The following CSNK1G1 variants were observed in gnomAD, a reference collection of about 807,000 sequenced individuals.
CSNK1G1 encodes casein kinase I isoform gamma-1.
In CSNK1G1, 22 loss-of-function variants were observed where a neutral mutation model predicts 59.6. The observed-to-expected ratio is 0.37, with a 90% confidence interval of 0.26 to 0.53. CSNK1G1 has a LOEUF of 0.53. CSNK1G1 is among the 20% of genes least tolerant of loss of function. The pLI, the probability that CSNK1G1 is intolerant of heterozygous loss-of-function variation, is 0.89. For missense variants in CSNK1G1, 384 were observed against 519.5 expected, an observed-to-expected ratio of 0.74 and a Z score of 2.54; for synonymous variants, 179 against 177.1, an observed-to-expected ratio of 1.01 and a Z score of -0.08.
At chr15:64,245,466 A>T (rs953020469) in intron 4 of CSNK1G1, among the ~76,000 whole-genome samples, 4 of 152,240 alleles carry the variant, frequency 2.6e-5, no homozygotes, top group Non-Finnish European at 4.4e-5. Flanking sequence ...CTTCACAGCC[A>T]TTATCAAAAT....
intron 4 of CSNK1G1, among the ~76,000 whole-genome samples, chr15:64,249,377 T>C (rs990134565): frequency 2.0e-5 from 3 of 152,174 alleles, no homozygotes; most frequent in African/African-American, 7.2e-5. Flanking sequence ...TGCAGCTACC[T>C]TGTTAGTTGC....
chr15:64,230,695 G>A (rs1011146576), intron 4 of CSNK1G1, among the ~76,000 whole-genome samples: 5 of 152,168 alleles, frequency 3.3e-5, no homozygotes, highest in African/African-American at 7.2e-5. Context: ...AATGGCAGCC[G>A]GGTGCAGTGG....
intron 1 of CSNK1G1, among the ~76,000 whole-genome samples, chr15:64,322,823 A>G (rs1175697017): frequency 6.6e-6 from 1 of 152,168 alleles, no homozygotes; most frequent in Non-Finnish European, 1.5e-5. Flanking sequence ...CTATCTCAAA[A>G]ACTAAATAAG....
chr15:64,248,996 G>A (rs578013721), intron 4 of CSNK1G1, among the ~76,000 whole-genome samples: 3 of 152,276 alleles, frequency 2.0e-5, no homozygotes, highest in East Asian at 1.9e-4. Flanking sequence ...GGTGGCGGGC[G>A]CCTGTAGGCC....
chr15:64,292,884 C>T (rs1325191918), intron 2 of CSNK1G1, among the ~76,000 whole-genome samples: 3 of 151,862 alleles, frequency 2.0e-5, no homozygotes, highest in South Asian at 2.1e-4. Context: ...GCCAATATCG[C>T]GCCACTGCAC....
rs564425516 is a variant in CSNK1G1 at position 64,188,381 on chromosome 15, T to G, written c.1108-7927A>C. On this transcript the variant is annotated intron_variant, in intron 10 of 11. Coordinates refer to ENST00000303052, the MANE Select transcript of CSNK1G1 (RefSeq NM_022048.5). This position sits in a 1 kb window ranked among gnomAD's most constrained non-coding sequence, Gnocchi z 4.2. ...CAATAAAGGCAGTAAATACCTGCAC[T>G]GATCCCCCATGGCGGTCTGCAGCCA... 15 of 1,535,808 alleles carry G rather than the reference T, an allele frequency of 9.8e-6. 1 individual carries two copies. The South Asian group carries it at 1.7e-4, about 17-fold the overall frequency.
Position 64,188,496 on chromosome 15 carries a change from G to A in CSNK1G1, c.1108-8042C>T, listed in dbSNP as rs772846291. 1.8e-5 allele frequency: 27 copies of A among 1,530,766 alleles called. No individual in the cohort carries two copies. Among genetic ancestry groups the A allele is most frequent in the South Asian group, 1.7e-4 (14 of 83,840 alleles). 94.8% of individuals were successfully genotyped at this position (1,530,766 alleles called of 1,614,324 possible). A position where few individuals can be genotyped will look rare whatever the true frequency, so the allele number is the denominator to read the frequency against. On this transcript the variant is annotated intron_variant, in intron 10 of 11. Transcript: ENST00000303052. The surrounding 1 kb of genome is among the most constrained non-coding windows in gnomAD (Gnocchi z 4.2). ...CTCTGATGATACATTCTGCTTAGGC[G>A]TTAGAAAGCATGAGAGCAAGATATG...
intron 1 of CSNK1G1, among the ~76,000 whole-genome samples, chr15:64,339,933 C>G (rs1229608938): frequency 1.3e-5 from 2 of 152,208 alleles, no homozygotes; most frequent in African/African-American, 4.8e-5. Context: ...CCAAGAACCA[C>G]TAAGTTGCAT....
intron 2 of CSNK1G1, among the ~76,000 whole-genome samples, chr15:64,299,153 C>T (rs1289747340): frequency 6.6e-6 from 1 of 151,862 alleles, no homozygotes; most frequent in Non-Finnish European, 1.5e-5. Context: ...CATTAATCCA[C>T]AGTCTCAAGA....
chr15:64,309,615 T>G (rs1318161473), intron 1 of CSNK1G1, among the ~76,000 whole-genome samples: 3 of 152,128 alleles, frequency 2.0e-5, no homozygotes, highest in African/African-American at 7.2e-5. Context: ...GGTGAGGTGC[T>G]AAAAGGAGTA....
chr15:64,192,840 T>TTAA (rs2081989837), intron 10 of CSNK1G1, among the ~76,000 whole-genome samples: 1 of 32,228 alleles, frequency 3.1e-5, no homozygotes, highest in East Asian at 1.1e-3. Context: ...GAGATCTGCC[T>TTAA]AAAAAAAAAA....
intron 10 of CSNK1G1, among the ~76,000 whole-genome samples, chr15:64,185,776 C>A (rs62024560): frequency 6.6e-6 from 1 of 150,580 alleles, no homozygotes; most frequent in African/African-American, 2.4e-5. Flanking sequence ...ACAGGAGAAT[C>A]GCTTGAACCC....
intron 4 of CSNK1G1, among the ~76,000 whole-genome samples, chr15:64,249,895 G>C (rs1322721433): frequency 2.0e-5 from 3 of 152,090 alleles, no homozygotes; most frequent in African/African-American, 7.2e-5. Context: ...TGATTTGGTG[G>C]ATCTATTTGA....
chr15:64,197,063 G>A (rs1315227708), intron 10 of CSNK1G1, among the ~76,000 whole-genome samples: 1 of 152,088 alleles, frequency 6.6e-6, no homozygotes, highest in Non-Finnish European at 1.5e-5. Context: ...TGGTTTGGGT[G>A]TTAGGGTTAA....
At chr15:64,268,901 A>T (rs1893126652) in intron 2 of CSNK1G1, among the ~76,000 whole-genome samples, 1 of 152,204 alleles carries the variant, frequency 6.6e-6, no homozygotes, top group Non-Finnish European at 1.5e-5. Context: ...GTAATCATAC[A>T]TATGCAAGAC....
intron 4 of CSNK1G1, among the ~76,000 whole-genome samples, chr15:64,232,237 GA>G (rs879679809): frequency 1.1e-4 from 17 of 152,174 alleles, no homozygotes; most frequent in Non-Finnish European, 8.8e-5. Context: ...GAAAGAAAAT[GA>G]CAATATAATT....
At chr15:64,173,638 T>TC in intron 11 of CSNK1G1, among the ~76,000 whole-genome samples, 1 of 147,300 alleles carries the variant, frequency 6.8e-6, no homozygotes, top group African/African-American at 2.5e-5. Context: ...TTTTTTTTTT[T>TC]TTGAGACTGA....
chr15:64,280,870 A>T (rs966127941), intron 2 of CSNK1G1, among the ~76,000 whole-genome samples: 1 of 151,940 alleles, frequency 6.6e-6, no homozygotes, highest in Non-Finnish European at 1.5e-5. Context: ...AACTTGAAAA[A>T]GGAAGGAAAT....
intron 4 of CSNK1G1, among the ~76,000 whole-genome samples, chr15:64,248,130 A>G (rs1284634374): frequency 6.6e-6 from 1 of 152,222 alleles, no homozygotes; most frequent in Admixed American, 6.5e-5. Context: ...CTTGGTAATC[A>G]AAAGAGTGGC....
Sources: allele counts gnomAD v4.1 joint callset (sites outside exome capture counted in the v4.1 genomes callset), GRCh38; gene constraint gnomAD v4.1.1; non-coding constraint Gnocchi (gnomAD v3.1); transcripts MANE v1.5; gene names NCBI Gene and HGNC (gene_info 2026-07-23, HGNC 2026-07-21).